The following SAMD11 variants were observed in gnomAD, a reference collection of about 807,000 sequenced individuals.
The protein encoded by SAMD11 is sterile alpha motif domain-containing protein 11.
In SAMD11, 77 loss-of-function variants were observed where a neutral mutation model predicts 64.4. The observed-to-expected ratio is 1.20, with a 90% CI of 0.99 to 1.44. The LOEUF (loss-of-function observed/expected upper bound fraction) is 1.44. Among genes scored for constraint, SAMD11 ranks in the 40% most tolerant of loss-of-function variants. SAMD11 has a pLI of 0.00. For synonymous variants in SAMD11, 658 were observed against 421.9 expected, an observed-to-expected ratio of 1.56 and a Z score of -6.86; for missense variants, 1,402 against 943.3, an observed-to-expected ratio of 1.49 and a Z score of -6.37.
chr1:933,690 C>A (rs537383204), intron 4 of SAMD11, among the ~76,000 whole-genome samples: 39 of 152,126 alleles, frequency 2.6e-4, no homozygotes, highest in African/African-American at 9.2e-4. Context: ...GTCTCGCTGC[C>A]GATTAATCCC....
chr1:940,976 GGCCCTGTGGCCGCCCATCCTCCT>G, intron 7 of SAMD11, 145 bp from the exon 8 acceptor site: 1 of 535,800 alleles, frequency 1.9e-6, no homozygotes, highest in East Asian at 3.4e-5. Context: ...CTGCCGTCTC[GGCCCTGTGGCCGCCCATCCTCCT>G]GCCCCGTGCC....
chr1:930,480 C>A, intron 3 of SAMD11, 144 bp downstream of exon 3: 1 of 940,714 alleles, frequency 1.1e-6, no homozygotes, highest in Non-Finnish European at 1.6e-6. Flanking sequence ...CTGTGTGGGT[C>A]GCAGGCAGGA....
chr1:941,967 A>G (rs1641798109), intron 8 of SAMD11, 169 bp from the exon 9 acceptor site: 1 of 363,326 alleles, frequency 2.8e-6, no homozygotes, highest in Admixed American at 4.7e-5. Flanking sequence ...GCCGAGATTA[A>G]TTGGCGCCGC....
At chr1:932,862 A>G (rs889644204) in intron 4 of SAMD11, among the ~76,000 whole-genome samples, 8 of 152,156 alleles carry the variant, frequency 5.3e-5, no homozygotes, top group South Asian at 4.1e-4. Context: ...TCCTCGAGCC[A>G]TTGTTTGCAG....
Position 944,109 on chromosome 1 carries a change from G to A in SAMD11, c.2491G>A (p.Ala831Thr), listed in dbSNP as rs1642003246. 1 of 1,607,228 alleles carries A rather than the reference G, an allele frequency of 6.2e-7. No homozygotes were observed. Among genetic ancestry groups the A allele is most frequent in the Non-Finnish European group, 8.5e-7 (1 of 1,176,518 alleles). The change falls in exon 14 of 14, where the codon GCT becomes ACT. Residue 831 changes from alanine (A) to threonine (T), a missense_variant. Coordinates refer to ENST00000616016, the MANE Select transcript of SAMD11 (RefSeq NM_001385641.1). ...ACCCAAGCAGGAGAATGGGACCTTG[G>A]CTCTACTTCCAGGGGCCCCCGACCC... The part of the protein sequence containing the change: ...TSPKQENGTL[A>T]LLPGAPDPSQ...
intron 5 of SAMD11, 66 bp from the exon 6 acceptor site, chr1:938,974 G>A: frequency 7.1e-7 from 1 of 1,404,950 alleles, no homozygotes; most frequent in Non-Finnish European, 9.9e-7. Context: ...AGGCTGAGCT[G>A]GAGCAGGGGC....
intron 13 of SAMD11, 31 bp downstream of exon 13, chr1:943,839 C>G: frequency 1.9e-6 from 3 of 1,612,970 alleles, no homozygotes; most frequent in Admixed American, 1.7e-5. Flanking sequence ...GTCAGGGTCT[C>G]CAGACCACAG....
chr1:927,971 G>C (rs1640973374), intron 2 of SAMD11, among the ~76,000 whole-genome samples: 1 of 152,250 alleles, frequency 6.6e-6, no homozygotes, highest in Admixed American at 6.5e-5. Context: ...CTGGTATACA[G>C]CCTGGGCTCC....
Position 930,256 on chromosome 1 carries a change from C to T in SAMD11, c.711C>T (p.Ser237=), listed in dbSNP as rs1023405473. The T allele has an allele frequency of 1.2e-5, 19 of 1,606,434 alleles. No homozygotes were observed. In the African/African-American group the frequency reaches 1.3e-4, roughly 11 times the overall value. The change falls in exon 3 of 14, where the codon AGC becomes AGT. Residue 237 remains serine (S), a synonymous_variant. Coordinates refer to ENST00000616016, the MANE Select transcript of SAMD11 (RefSeq NM_001385641.1). ...GCTTCTCTGCCAGCGATGGTGACAG[C>T]GACGGGAGTGGCCCCACCTGTGGGC... The part of the protein sequence containing the change: ...TPSFSASDGD[S]DGSGPTCGRR...
At chr1:927,996 C>T (rs1030201405) in intron 2 of SAMD11, among the ~76,000 whole-genome samples, 1 of 152,228 alleles carries the variant, frequency 6.6e-6, no homozygotes. Flanking sequence ...CCAGCCAGCC[C>T]TGGCCTCCTT....
At chr1:925,817 G>T (rs1261600539) in intron 1 of SAMD11, 105 bp from the exon 2 acceptor site, 7 of 798,272 alleles carry the variant, frequency 8.8e-6, no homozygotes, top group Admixed American at 3.7e-5. Context: ...GTGGGGTTCG[G>T]GGTGTATTTC....
rs149880798 is a variant in SAMD11, at chr1:944,102, G to A, written c.2484G>A (p.Gly828=). The A allele has an allele frequency of 5.6e-6, 9 of 1,609,162 alleles. No homozygotes were observed. The African/African-American group carries it at 8.0e-5, about 14-fold the overall frequency. The part of the protein sequence containing the change: ...AGQTSPKQEN[G]TLALLPGAPD... Reference sequence around the variant, plus strand: ...AAACTTCACCCAAGCAGGAGAATGGGACCTTGGCTCTACTTCCAGGGGCCC... The same window carrying A: ...AAACTTCACCCAAGCAGGAGAATGGAACCTTGGCTCTACTTCCAGGGGCCC... Residue 828 remains glycine (G), a synonymous_variant, in exon 14 of 14, where the codon GGG becomes GGA. Transcript: ENST00000616016.
At chr1:932,416 G>C (rs1017975998) in intron 4 of SAMD11, among the ~76,000 whole-genome samples, 8 of 152,214 alleles carry the variant, frequency 5.3e-5, no homozygotes, top group African/African-American at 1.9e-4. Context: ...ACGGGCCCTA[G>C]AAGGGGCTAG....
chr1:926,709 C>A (rs1026148260), intron 2 of SAMD11, among the ~76,000 whole-genome samples: 1 of 152,102 alleles, frequency 6.6e-6, no homozygotes, highest in Non-Finnish European at 1.5e-5. Flanking sequence ...GCACCTGCAC[C>A]CCCTACCCAG....
chr1:935,742 G>C, intron 4 of SAMD11, 30 bp from the exon 5 acceptor site: 1 of 1,612,524 alleles, frequency 6.2e-7, no homozygotes, highest in Middle Eastern at 1.7e-4. Context: ...GCTGCCCACG[G>C]GGTCAGCTTT....
At chr1:931,216 G>A (rs1023321318) in intron 4 of SAMD11, 127 bp downstream of exon 4, 2 of 903,230 alleles carry the variant, frequency 2.2e-6, no homozygotes, top group South Asian at 2.9e-5. Context: ...TGCTGGCTGA[G>A]TGTCTGCCAG....
intron 8 of SAMD11, among the ~76,000 whole-genome samples, chr1:941,588 C>G (rs1641769142): frequency 6.6e-6 from 1 of 152,028 alleles, no homozygotes; most frequent in African/African-American, 2.4e-5. Context: ...CGGGAGGGGT[C>G]GGCCAGAGGA....
At chr1:931,174 G>A (rs912826781) in intron 4 of SAMD11, 85 bp downstream of exon 4, 2 of 1,241,902 alleles carry the variant, frequency 1.6e-6, no homozygotes. Context: ...GCTGTCTGCT[G>A]TCCGCTGTCT....
At chr1:927,518 C>G (rs934662677) in intron 2 of SAMD11, among the ~76,000 whole-genome samples, 3 of 152,208 alleles carry the variant, frequency 2.0e-5, no homozygotes, top group African/African-American at 7.2e-5. Flanking sequence ...CTGCCAGTCC[C>G]TCCCAGGCCT....
Sources: gnomAD v4.1 joint callset for allele counts (sites outside exome capture counted in the v4.1 genomes callset) on GRCh38, gnomAD v4.1.1 for gene constraint, MANE v1.5 for transcripts, NCBI Gene and HGNC (gene_info 2026-07-23, HGNC 2026-07-21) for gene names.